The following RELN variants were observed in gnomAD, a reference collection of about 807,000 sequenced individuals.
The protein encoded by RELN is reelin.
A neutral mutation model predicts 427.6 loss-of-function variants in RELN; 108 were observed. That is an observed-to-expected ratio of 0.25 (90% CI 0.22 to 0.30). RELN has a LOEUF of 0.30. RELN is among the 10% of genes least tolerant of loss of function. The probability of loss-of-function intolerance (pLI) is 1.00; values close to 1 mark genes in which losing one functional copy is unlikely to be tolerated. For synonymous variants in RELN, 1,524 were observed against 1,513.4 expected, an observed-to-expected ratio of 1.01 and a Z score of -0.16; for missense variants, 3,715 against 4,302.8, an observed-to-expected ratio of 0.86 and a Z score of 3.82.
chr7:103,517,382 A>G (rs768513353), intron 49 of RELN, among the ~76,000 whole-genome samples: 6 of 152,168 alleles, frequency 3.9e-5, no homozygotes, highest in Non-Finnish European at 7.3e-5. Context: ...GTCTTTGACC[A>G]CATTTTAAAA....
intron 2 of RELN, among the ~76,000 whole-genome samples, chr7:103,838,686 C>A (rs1401302932): frequency 6.6e-6 from 1 of 152,114 alleles, no homozygotes; most frequent in Non-Finnish European, 1.5e-5. Context: ...AAAGTCCTAG[C>A]CACAGTCCTG....
chr7:103,648,649 G>A (rs1042061727), intron 16 of RELN, among the ~76,000 whole-genome samples: 1 of 152,090 alleles, frequency 6.6e-6, no homozygotes, highest in Non-Finnish European at 1.5e-5. Context: ...ACAGTGAACA[G>A]ACAACCTACA....
chr7:103,862,687 C>T (rs1794100700), intron 2 of RELN, among the ~76,000 whole-genome samples: 1 of 152,072 alleles, frequency 6.6e-6, no homozygotes, highest in African/African-American at 2.4e-5. Flanking sequence ...AATTTAATTT[C>T]ATGCCACAAA....
At chr7:103,744,344 A>G (rs1790757504) in intron 6 of RELN, among the ~76,000 whole-genome samples, 1 of 151,822 alleles carries the variant, frequency 6.6e-6, no homozygotes, top group African/African-American at 2.4e-5. Context: ...TAACATCACA[A>G]TTAAAAGAAC....
intron 1 of RELN, among the ~76,000 whole-genome samples, chr7:103,976,712 G>T (rs969982103): frequency 6.6e-6 from 1 of 152,164 alleles, no homozygotes; most frequent in Non-Finnish European, 1.5e-5. Context: ...GACAGTCAGG[G>T]AGTCATTAGG....
At position 103,553,520 on chromosome 7, in the gene RELN, C is replaced by T. The variant is rs1830456932; in HGVS notation, c.6013G>A (p.Glu2005Lys). 1 of 1,613,958 alleles carries T rather than the reference C, an allele frequency of 6.2e-7. No individual in the cohort carries two copies. Among genetic ancestry groups the T allele is most frequent in the African/African-American group, 1.3e-5 (1 of 74,900 alleles). The change falls in exon 40 of 65, where the codon GAG (glutamate) becomes AAG (lysine). Residue 2005 changes from glutamate to lysine, a missense_variant. Glu to Lys is a moderately conservative substitution (Grantham distance 56). This residue lies in a region of RELN where 1,310 missense variants were observed against 1,643.0 expected (regional missense o/e 0.80). Coordinates refer to ENST00000428762, the MANE Select transcript of RELN (RefSeq NM_005045.4). ...AMVFVSNEVG[E>K]HSITTRDLNV... ...AGGTCACGGGTGGTAATGGAATGCT[C>T]ACCAACTTCATTTGAAACAAACACC...
intron 38 of RELN, among the ~76,000 whole-genome samples, chr7:103,554,678 T>C (rs1475500448): frequency 6.6e-6 from 1 of 152,042 alleles, no homozygotes; most frequent in Non-Finnish European, 1.5e-5. Context: ...GCTGTGTATA[T>C]AATGTATGTG....
chr7:103,517,559 T>C (rs1387527996), intron 49 of RELN, among the ~76,000 whole-genome samples: 1 of 152,200 alleles, frequency 6.6e-6, no homozygotes, highest in Non-Finnish European at 1.5e-5. Context: ...ACTAACGTTA[T>C]GCTGCTTAAG....
intron 41 of RELN, among the ~76,000 whole-genome samples, chr7:103,546,119 A>G (rs1227745244): frequency 6.6e-6 from 1 of 152,206 alleles, no homozygotes; most frequent in Non-Finnish European, 1.5e-5. Context: ...TCACCCCAAA[A>G]GGAAACCCCA....
In RELN at chr7:103,551,201, G is replaced by A. The variant is rs1164712136; in HGVS notation, c.6168C>T (p.Pro2056=). The A allele has an allele frequency of 1.9e-6, 3 of 1,614,104 alleles. No homozygotes were observed. ...DFGATWHLLL[P]LCYHSSSHVS... ...CGTGGCTGCTGCTGTGGTAGCAGAGGGGCAGCAGAAGGTGCCAGGTCGCCC... is the reference window on the plus strand; with the variant it reads ...CGTGGCTGCTGCTGTGGTAGCAGAGAGGCAGCAGAAGGTGCCAGGTCGCCC... Residue 2056 remains proline, a synonymous_variant, in exon 41 of 65, where the codon CCC becomes CCT. Transcript: ENST00000428762.
chr7:103,790,373 C>A (rs1245911373), intron 3 of RELN, among the ~76,000 whole-genome samples: 1 of 151,978 alleles, frequency 6.6e-6, no homozygotes, highest in Non-Finnish European at 1.5e-5. Context: ...ATCATAGTTT[C>A]TTTATTCTAC....
Position 103,610,735 on chromosome 7 carries a change from G to C in RELN, c.2968C>G (p.Gln990Glu), listed in dbSNP as rs1831932674. The change falls in exon 22 of 65, where the codon CAG (glutamine) becomes GAG (glutamate). Residue 990 changes from glutamine to glutamate, a missense_variant. This residue lies in a region of RELN where 2,208 missense variants were observed against 2,361.7 expected (regional missense o/e 0.93). Transcript: ENST00000428762. ...ASIYHASEFT[Q>E]WRRVIVLLPQ... ...AGAAGCACTATGACTCTCCTCCACT[G>C]TGTAAACTCACTGGCATGGTAAATA... 2.5e-6 allele frequency: 4 copies of C among 1,609,740 alleles called. No homozygotes were observed. Among genetic ancestry groups the C allele is most frequent in the Non-Finnish European group, 3.4e-6 (4 of 1,176,278 alleles).
At chr7:103,914,635 T>C (rs1795443946) in intron 2 of RELN, among the ~76,000 whole-genome samples, 1 of 152,082 alleles carries the variant, frequency 6.6e-6, no homozygotes, top group South Asian at 2.1e-4. Flanking sequence ...CAGCATCTTA[T>C]GAAGAAGGTA....
chr7:103,842,360 CCT>C (rs1793572828), intron 2 of RELN, among the ~76,000 whole-genome samples: 1 of 151,622 alleles, frequency 6.6e-6, no homozygotes, highest in African/African-American at 2.4e-5. Flanking sequence ...CCTTTTTATC[CCT>C]CTTTAATCTG....
intron 28 of RELN, among the ~76,000 whole-genome samples, chr7:103,585,125 C>T (rs1361578384): frequency 6.6e-6 from 1 of 151,964 alleles, no homozygotes; most frequent in East Asian, 1.9e-4. Context: ...TGTAAATTAA[C>T]AACTTAACAT....
intron 4 of RELN, among the ~76,000 whole-genome samples, chr7:103,769,896 G>A (rs1161321563): frequency 1.3e-5 from 2 of 152,090 alleles, no homozygotes; most frequent in East Asian, 1.9e-4. Flanking sequence ...TCTTAGGAGC[G>A]ACTGCTGTTT....
Position 103,539,254 on chromosome 7 carries a change from C to A in RELN, c.7004G>T (p.Trp2335Leu). Residue 2335 changes from tryptophan (W) to leucine (L), a missense_variant, in exon 45 of 65, where the codon TGG becomes TTG. Physicochemically the swap from Trp to Leu is moderately conservative, Grantham distance 61. Around this residue, in one of 4 missense-constraint regions of RELN, gnomAD observed 1,310 missense variants for 1,643.0 expected, o/e 0.80. Transcript: ENST00000428762. ...DDFTTLDSRK[W>L]LLHPGGTKMP... ...CTTGGTGCCTCCTGGGTGAAGCAGC[C>A]ATTTCCTACTATCAAGGGTTGTGAA... 1 of 1,614,242 alleles carries A rather than the reference C, an allele frequency of 6.2e-7. No individual in the cohort carries two copies. The highest frequency in any genetic ancestry group is 8.5e-7 in the Non-Finnish European group (1 of 1,180,048).
At chr7:103,472,994 G>T (rs781713797) in intron 64 of RELN, 86 bp from the exon 65 acceptor site, 1 of 1,074,744 alleles carries the variant, frequency 9.3e-7, no homozygotes, top group East Asian at 2.4e-5. Context: ...TCTATTCTAG[G>T]TCCTAAGTTA....
intron 2 of RELN, among the ~76,000 whole-genome samples, chr7:103,908,541 C>G (rs1051272301): frequency 2.6e-5 from 4 of 152,156 alleles, no homozygotes; most frequent in African/African-American, 9.7e-5. Context: ...CCACGTTGAA[C>G]TGACTTTCTC....
Sources: gnomAD v4.1 joint callset for allele counts (sites outside exome capture counted in the v4.1 genomes callset) on GRCh38, gnomAD v4.1.1 for gene constraint, gnomAD v4.1.1 regional missense constraint, MANE v1.5 for transcripts, NCBI Gene and HGNC (gene_info 2026-07-23, HGNC 2026-07-21) for gene names.